The following SCUBE2 variants were observed in gnomAD, a reference collection of about 807,000 sequenced individuals.
The protein encoded by SCUBE2 is signal peptide, CUB domain and EGF like domain containing 2.
A neutral mutation model predicts 125.9 loss-of-function variants in SCUBE2; 114 were observed. That is an observed-to-expected ratio of 0.91 (90% confidence interval 0.78 to 1.06). The LOEUF (loss-of-function observed/expected upper bound fraction) is 1.06. Among genes scored for constraint, SCUBE2 ranks in the 50% least tolerant of loss-of-function variants. SCUBE2 has a pLI of 0.00. For missense variants in SCUBE2, 1,255 were observed against 1,301.8 expected (o/e 0.96, Z 0.55); for synonymous variants, 459 against 492.9 (o/e 0.93, Z 0.91).
At chr11:9,046,749 A>C (rs1857818201) in intron 16 of SCUBE2, among the ~76,000 whole-genome samples, 1 of 152,212 alleles carries the variant, frequency 6.6e-6, no homozygotes, top group Non-Finnish European at 1.5e-5. Context: ...CTGGAATGAA[A>C]ATCAAGACTA....
chr11:9,073,034 G>A (rs546734026), intron 4 of SCUBE2, among the ~76,000 whole-genome samples: 1 of 152,134 alleles, frequency 6.6e-6, no homozygotes, highest in Non-Finnish European at 1.5e-5. Context: ...GGGCTCAAGC[G>A]ATGGCTTTAA....
intron 17 of SCUBE2, among the ~76,000 whole-genome samples, chr11:9,031,731 TAAAC>T (rs72432532): frequency 0.012 from 1,823 of 152,228 alleles, 45 homozygotes; most frequent in African/African-American, 0.041. Context: ...AACACAGTCA[TAAAC>T]AAACAAAAGG....
chr11:9,084,229 C>G (rs1268082227), intron 2 of SCUBE2, among the ~76,000 whole-genome samples: 2 of 152,120 alleles, frequency 1.3e-5, no homozygotes, highest in African/African-American at 4.8e-5. Context: ...ATGGCTAAAG[C>G]AAACAATTTG....
At position 9,091,386 on chromosome 11, in the gene SCUBE2, G is replaced by A. The variant is rs1159232170; in HGVS notation, c.133+10C>T. On this transcript the variant is annotated intron_variant, in intron 1 of 22. Coordinates refer to ENST00000649792, the MANE Select transcript of SCUBE2 (RefSeq NM_001367977.2). This position sits in a 1 kb window ranked among gnomAD's most constrained non-coding sequence, Gnocchi z 8.5. ...CTGTGCCAGGTGCGCCCCCGCGGCC[G>A]GACACTCACCCTCCTGCGGCCCCGC... The A allele has an allele frequency of 3.1e-6, 4 of 1,311,088 alleles. No homozygotes were observed. Among genetic ancestry groups the A allele is most frequent in the South Asian group, 2.3e-5 (1 of 43,232 alleles). The allele number at this position is 1,311,088 out of a possible 1,614,324, so 81.2% of individuals were successfully genotyped here. A position where few individuals can be genotyped will look rare whatever the true frequency, so the allele number is the denominator to read the frequency against.
At chr11:9,059,562 C>T in intron 8 of SCUBE2, 137 bp from the exon 9 acceptor site, 1 of 1,151,620 alleles carries the variant, frequency 8.7e-7, no homozygotes, top group Non-Finnish European at 1.2e-6. Flanking sequence ...AGAATGTTTG[C>T]TGATGTTTTT....
chr11:9,089,889 C>A, intron 1 of SCUBE2, 60 bp from the exon 2 acceptor site: 1 of 1,584,684 alleles, frequency 6.3e-7, no homozygotes, highest in South Asian at 1.2e-5. Context: ...GATCTGGCCT[C>A]GGCCCTGTCT....
chr11:9,064,206 C>T (rs1002126458), intron 7 of SCUBE2, among the ~76,000 whole-genome samples: 3 of 152,164 alleles, frequency 2.0e-5, no homozygotes, highest in Non-Finnish European at 4.4e-5. Flanking sequence ...AAGGCTCACA[C>T]GTGTAATCCA....
At chr11:9,070,415 T>C (rs1282493990) in intron 4 of SCUBE2, among the ~76,000 whole-genome samples, 2 of 152,206 alleles carry the variant, frequency 1.3e-5, no homozygotes, top group Admixed American at 6.5e-5. Context: ...CCTACCAGCA[T>C]CCTGAAGGAA....
In SCUBE2 at chr11:9,074,573, G is replaced by A. The variant is rs1350151489; in HGVS notation, c.425C>T (p.Thr142Ile). Residue 142 changes from threonine to isoleucine, a missense_variant, in exon 4 of 23, where the codon ACC (threonine) becomes ATC (isoleucine). Thr to Ile is a moderately conservative substitution (Grantham distance 89). Coordinates refer to ENST00000649792, the MANE Select transcript of SCUBE2 (RefSeq NM_001367977.2). ...ATAGCTCCCCATGACGTTGACACAG[G>A]TATGCTGGCAGCCGCCATTGTTCTC... ...CLENNGGCQH[T>I]CVNVMGSYEC... 1 of 1,614,208 alleles carries A rather than the reference G, an allele frequency of 6.2e-7. No homozygotes were observed. The highest frequency in any genetic ancestry group is 8.5e-7 in the Non-Finnish European group (1 of 1,180,032).
intron 16 of SCUBE2, among the ~76,000 whole-genome samples, chr11:9,042,184 C>A (rs1360963433): frequency 6.6e-6 from 1 of 152,130 alleles, no homozygotes; most frequent in East Asian, 1.9e-4. Flanking sequence ...ACAGAAGCAT[C>A]TCTATTTTCC....
chr11:9,031,809 C>T (rs1856328949), intron 17 of SCUBE2, among the ~76,000 whole-genome samples: 1 of 152,174 alleles, frequency 6.6e-6, no homozygotes, highest in Admixed American at 6.5e-5. Context: ...AATCTGCTAT[C>T]TATCTCTTAT....
chr11:9,033,513 G>A (rs1298024782), intron 17 of SCUBE2, 113 bp downstream of exon 17: 4 of 1,269,824 alleles, frequency 3.2e-6, no homozygotes, highest in East Asian at 2.3e-5. Context: ...CGTGGTCCCT[G>A]CTTGTAGGAA....
rs774156007 is a variant in SCUBE2, at chr11:9,050,724, C to T, written c.1535-14G>A. ...TGGTGGTGACATCTTCAGAAAGAAA[C>T]AAGTGAGAGATGTTACCTTCAGAGG... On this transcript the variant is annotated splice_polypyrimidine_tract_variant and intron_variant, in intron 13 of 22. Coordinates refer to ENST00000649792, the MANE Select transcript of SCUBE2 (RefSeq NM_001367977.2). 2 of 1,596,890 alleles carry T rather than the reference C, an allele frequency of 1.3e-6. No homozygotes were observed. Among genetic ancestry groups the T allele is most frequent in the African/African-American group, 1.3e-5 (1 of 74,558 alleles).
At chr11:9,063,093 A>T (rs1859849229) in intron 7 of SCUBE2, among the ~76,000 whole-genome samples, 1 of 152,014 alleles carries the variant, frequency 6.6e-6, no homozygotes, top group African/African-American at 2.4e-5. Context: ...TACAAAAAAA[A>T]AAATTAGCCA....
At position 9,047,816 on chromosome 11, in the gene SCUBE2, T is replaced by TG. The variant is rs1408493902; in HGVS notation, c.1795+126dup. 14 of 1,200,278 alleles carry TG rather than the reference T, an allele frequency of 1.2e-5. No homozygotes were observed. The African/African-American group carries it at 2.1e-4, about 18-fold the overall frequency. The allele number at this position is 1,200,278 out of a possible 1,614,324, so 74.4% of individuals were successfully genotyped here. On this transcript the variant is annotated intron_variant, in intron 15 of 22. Coordinates refer to ENST00000649792, the MANE Select transcript of SCUBE2 (RefSeq NM_001367977.2). ...AAACCAATTCAGTTTAGTTTCGGGG[T>TG]GAAAAAAAACAGGAGATACTTCAGT... is the stretch of plus-strand genomic sequence containing the variant.
chr11:9,066,561 C>T (rs1348102597), intron 6 of SCUBE2, 136 bp downstream of exon 6: 12 of 707,156 alleles, frequency 1.7e-5, no homozygotes, highest in Admixed American at 4.3e-5. Flanking sequence ...CTGTAGCATG[C>T]GAAGCAGCAC....
chr11:9,068,401 A>G (rs1483008782), intron 5 of SCUBE2, among the ~76,000 whole-genome samples: 2 of 152,168 alleles, frequency 1.3e-5, no homozygotes, highest in African/African-American at 4.8e-5. Context: ...CCCACTCATT[A>G]AACACAAGTG....
intron 2 of SCUBE2, among the ~76,000 whole-genome samples, chr11:9,087,611 C>G (rs1372266873): frequency 6.6e-6 from 1 of 152,186 alleles, no homozygotes; most frequent in Admixed American, 6.5e-5. Flanking sequence ...CAGGACCACA[C>G]CTTCTCCAAT....
intron 5 of SCUBE2, among the ~76,000 whole-genome samples, chr11:9,067,378 G>C (rs989612931): frequency 7.2e-5 from 11 of 152,094 alleles, no homozygotes; most frequent in African/African-American, 1.2e-4. Flanking sequence ...AGGCCAAAAA[G>C]AAAAAAAGCC....
Sources: gnomAD v4.1 joint callset for allele counts (sites outside exome capture counted in the v4.1 genomes callset) on GRCh38, gnomAD v4.1.1 for gene constraint, Gnocchi (gnomAD v3.1) non-coding constraint, MANE v1.5 for transcripts, NCBI Gene and HGNC (gene_info 2026-07-23, HGNC 2026-07-21) for gene names.